The following NEK5 variants were observed in gnomAD, a reference collection of about 807,000 sequenced individuals.
NEK5 encodes the protein serine/threonine-protein kinase Nek5.
In NEK5, 88 loss-of-function variants were observed where a neutral mutation model predicts 109.2. That is an observed-to-expected ratio of 0.81 (90% CI 0.68 to 0.96). NEK5 has a LOEUF of 0.96. Ranked by LOEUF, NEK5 falls within the 40% of genes least tolerant of loss-of-function variation. The probability of loss-of-function intolerance (pLI) is 0.00; values close to 1 mark genes in which losing one functional copy is unlikely to be tolerated. For synonymous variants in NEK5, 283 were observed against 299.9 expected (o/e 0.94, Z 0.58); for missense variants, 834 against 920.7 (o/e 0.91, Z 1.22).
At chr13:52,103,949 A>G (rs1274011897) in intron 9 of NEK5, among the ~76,000 whole-genome samples, 3 of 152,076 alleles carry the variant, frequency 2.0e-5, no homozygotes, top group African/African-American at 7.2e-5. Flanking sequence ...GTATCTATTC[A>G]TACAGTAATT....
chr13:52,096,534 AG>A lies in NEK5; in HGVS notation c.1026+3208del, dbSNP rs571454135. Among the ~76,000 whole-genome samples the A allele has an allele frequency of 1.2e-3, 184 of 152,316 alleles. 1 individual carries two copies. The highest frequency in any genetic ancestry group is 4.2e-3 in the African/African-American group (174 of 41,574). ...GTTGGAGGCATTGTGCCACTACCCT[AG>A]GGATCTGTGGAACTTTGAACTTGAG... On this transcript the variant is annotated intron_variant, in intron 12 of 23. Coordinates refer to ENST00000684899, the MANE Select transcript of NEK5 (RefSeq NM_001365552.1).
chr13:52,084,488 G>C (rs1955077774), intron 16 of NEK5, among the ~76,000 whole-genome samples: 1 of 151,998 alleles, frequency 6.6e-6, no homozygotes, highest in African/African-American at 2.4e-5. Flanking sequence ...CAAAATGCTA[G>C]GATTACAGGC....
intron 3 of NEK5, among the ~76,000 whole-genome samples, chr13:52,122,270 T>C (rs960943199): frequency 6.6e-6 from 1 of 152,142 alleles, no homozygotes; most frequent in African/African-American, 2.4e-5. Context: ...ACCTTTTAAG[T>C]GGTTGTGAAG....
chr13:52,057,916 A>G (rs1954576037), intron 22 of NEK5, among the ~76,000 whole-genome samples: 1 of 151,386 alleles, frequency 6.6e-6, no homozygotes, highest in South Asian at 2.1e-4. Flanking sequence ...CTCTCTCACC[A>G]CTCCTATTCA....
At chr13:52,080,046 A>G (rs1954958751) in intron 17 of NEK5, among the ~76,000 whole-genome samples, 1 of 149,826 alleles carries the variant, frequency 6.7e-6, no homozygotes, top group Non-Finnish European at 1.5e-5. Flanking sequence ...CTAAGAAGTG[A>G]GGAGCCCCTC....
rs147799778 is a variant in NEK5 at position 52,053,173 on chromosome 13, C to T, written c.2111-2952G>A. 3.8e-3 allele frequency among the ~76,000 whole-genome samples: 574 copies of T among 152,224 alleles called. 1 individual carries two copies. The highest frequency in any genetic ancestry group is 0.012 in the African/African-American group (482 of 41,520). ...AAAATTAGCTGGGCATAGTGGCATG[C>T]GCCTGTAATCCCAGCTGCTCCAGAG... On this transcript the variant is annotated intron_variant, in intron 22 of 23. Transcript: ENST00000684899.
chr13:52,077,186 C>A (rs569135719), intron 17 of NEK5, among the ~76,000 whole-genome samples: 1 of 152,324 alleles, frequency 6.6e-6, no homozygotes, highest in African/African-American at 2.4e-5. Flanking sequence ...ACTTCTCTAA[C>A]TCAATGTCCA....
chr13:52,085,261 TGC>T (rs1170026279), intron 16 of NEK5, among the ~76,000 whole-genome samples: 1 of 152,190 alleles, frequency 6.6e-6, no homozygotes, highest in Non-Finnish European at 1.5e-5. Context: ...GGCATGACTT[TGC>T]TCCTCCTTTG....
At chr13:52,082,611 A>C (rs1246893853) in intron 17 of NEK5, among the ~76,000 whole-genome samples, 1 of 152,134 alleles carries the variant, frequency 6.6e-6, no homozygotes, top group African/African-American at 2.4e-5. Flanking sequence ...TGTTATTTCA[A>C]CTCTGCCCAG....
intron 7 of NEK5, among the ~76,000 whole-genome samples, chr13:52,109,491 T>C (rs1173919570): frequency 6.6e-6 from 1 of 152,178 alleles, no homozygotes; most frequent in African/African-American, 2.4e-5. Context: ...GAAATAGTCC[T>C]GCAAAGGTAT....
intron 7 of NEK5, 142 bp from the exon 8 acceptor site, chr13:52,108,546 C>T: frequency 2.0e-6 from 1 of 501,050 alleles, no homozygotes; most frequent in African/African-American, 1.9e-5. Context: ...AAGCAAAACA[C>T]TGTATGTTGA....
In NEK5 at chr13:52,101,920, A is replaced by G. The variant is rs1955540778; in HGVS notation, c.892+13T>C. On this transcript the variant is annotated intron_variant, in intron 11 of 23. Transcript: ENST00000684899. ...AATAAATACTTTTGATTGCATGCCA[A>G]AGTCACACTTACTCTGGACCACCTT... 2.5e-6 allele frequency: 4 copies of G among 1,606,944 alleles called. No homozygotes were observed. In the East Asian group the frequency reaches 8.9e-5, roughly 36 times the overall value.
intron 23 of NEK5, among the ~76,000 whole-genome samples, chr13:52,044,551 G>A (rs12161852): frequency 2.0e-4 from 30 of 152,298 alleles, no homozygotes; most frequent in African/African-American, 7.2e-4. Context: ...ATACTACTGA[G>A]CAATATAAAG....
At position 52,037,228 on chromosome 13, in the gene NEK5, T is replaced by A; in HGVS notation, c.2229-10A>T. 1.0e-6 allele frequency: 1 copy of A among 977,400 alleles called. No individual in the cohort carries two copies. The highest frequency in any genetic ancestry group is 4.7e-5 in the South Asian group (1 of 21,080). 60.5% of individuals were successfully genotyped at this position (977,400 alleles called of 1,614,324 possible). A position where few individuals can be genotyped will look rare whatever the true frequency, so the allele number is the denominator to read the frequency against. On this transcript the variant is annotated splice_polypyrimidine_tract_variant and intron_variant, in intron 23 of 23. Transcript: ENST00000684899. ...AGATTCTTCAAAATTTCTGAAATAA[T>A]AAGCAGTAAAAATCAGCATTATGAT...
At chr13:52,061,626 T>G (rs2137739710) in intron 22 of NEK5, among the ~76,000 whole-genome samples, 193 bp downstream of exon 22, 1 of 152,252 alleles carries the variant, frequency 6.6e-6, no homozygotes, top group East Asian at 1.9e-4. Flanking sequence ...TACACCACTC[T>G]CCTGGAAAGC....
intron 14 of NEK5, among the ~76,000 whole-genome samples, chr13:52,087,658 C>T (rs1340469159): frequency 1.3e-5 from 2 of 152,152 alleles, no homozygotes. Flanking sequence ...GAGCGTCTCA[C>T]TCTGTCACCC....
At chr13:52,061,729 C>CT (rs1555308660) in intron 22 of NEK5, 90 bp downstream of exon 22, 1 of 417,172 alleles carries the variant, frequency 2.4e-6, no homozygotes, top group Non-Finnish European at 3.2e-6. Context: ...TCTCTCCCAG[C>CT]TGAAGGTATT....
In NEK5 at chr13:52,035,522, C is replaced by T. The variant is rs1417664053; in HGVS notation, c.*1426G>A. ...TACTCCTTAGTATTTAAATAAACAT[C>T]TGTTAAGCTCCAGGCCATGTTCAAC... On this transcript the variant is annotated 3_prime_UTR_variant, in exon 24 of 24. Transcript: ENST00000684899. The T allele has an allele frequency of 6.6e-6, 1 of 152,166 alleles. No individual in the cohort carries two copies. The highest frequency in any genetic ancestry group is 1.5e-5 in the Non-Finnish European group (1 of 68,034). 9.4% of individuals were successfully genotyped at this position (152,166 alleles called of 1,614,324 possible).
chr13:52,094,193 C>T (rs1955354972), intron 12 of NEK5, among the ~76,000 whole-genome samples: 1 of 152,128 alleles, frequency 6.6e-6, no homozygotes, highest in Non-Finnish European at 1.5e-5. Context: ...AGCTAGAAGA[C>T]AAGAAACAGA....
Sources: gnomAD v4.1 joint callset for allele counts (sites outside exome capture counted in the v4.1 genomes callset) on GRCh38, gnomAD v4.1.1 for gene constraint, MANE v1.5 for transcripts, NCBI Gene and HGNC (gene_info 2026-07-23, HGNC 2026-07-21) for gene names.